TBC1D5: variants seen among roughly 807,000 people sequenced by gnomAD.
TBC1D5 encodes TBC1 domain family, member 5.
TBC1D5 carries 75 observed loss-of-function variants against 100.3 expected under a neutral mutation model. That is an observed-to-expected ratio of 0.75 (90% CI 0.62 to 0.91). TBC1D5 has a LOEUF of 0.91. TBC1D5 is among the 40% of genes least tolerant of loss of function. TBC1D5 has a pLI of 0.00. For synonymous variants in TBC1D5, 323 were observed against 325.6 expected (o/e 0.99, Z 0.09); for missense variants, 910 against 942.4 (o/e 0.97, Z 0.45).
chr3:17,533,836 T>C (rs1383218698), intron 2 of TBC1D5, among the ~76,000 whole-genome samples: 1 of 152,178 alleles, frequency 6.6e-6, no homozygotes, highest in Non-Finnish European at 1.5e-5. Context: ...AGTCAGTGTC[T>C]GTTTCTCTTT....
At chr3:17,254,262 T>C (rs2077430549) in intron 16 of TBC1D5, among the ~76,000 whole-genome samples, 1 of 152,228 alleles carries the variant, frequency 6.6e-6, no homozygotes, top group African/African-American at 2.4e-5. Flanking sequence ...TTACAGGATA[T>C]ATGTTTAACT....
intron 1 of TBC1D5, among the ~76,000 whole-genome samples, chr3:17,657,097 A>T (rs1006113454): frequency 8.5e-5 from 13 of 152,104 alleles, no homozygotes; most frequent in Non-Finnish European, 1.5e-4. Context: ...TTGTCTGCTG[A>T]AGTCTATCTT....
At chr3:17,645,306 CAA>C (rs1369617674) in intron 1 of TBC1D5, among the ~76,000 whole-genome samples, 3 of 151,974 alleles carry the variant, frequency 2.0e-5, no homozygotes, top group Non-Finnish European at 4.4e-5. Context: ...AGTAGTAAGA[CAA>C]AGAACAGGCT....
intron 2 of TBC1D5, among the ~76,000 whole-genome samples, chr3:17,512,286 A>C: frequency 6.6e-6 from 1 of 152,208 alleles, no homozygotes; most frequent in South Asian, 2.1e-4. Context: ...GCAAATATCA[A>C]ACTATAAAAA....
intron 2 of TBC1D5, among the ~76,000 whole-genome samples, chr3:17,566,302 G>C (rs2096593326): frequency 6.6e-6 from 1 of 151,850 alleles, no homozygotes; most frequent in Non-Finnish European, 1.5e-5. Flanking sequence ...TTGACACCAA[G>C]AGGCAGATTT....
At position 17,372,389 on chromosome 3, in the gene TBC1D5, T is replaced by C. The variant is rs1256914980; in HGVS notation, c.823-142A>G. On this transcript the variant is annotated intron_variant, in intron 12 of 21. Coordinates refer to ENST00000253692, the Ensembl canonical transcript of TBC1D5. ...TTCTTAAAAAAAGGTGAGAGCACCATGAAATAATTAAAATAGGAAGATGAA... is the reference window on the plus strand; with the variant it reads ...TTCTTAAAAAAAGGTGAGAGCACCACGAAATAATTAAAATAGGAAGATGAA... 3.1e-5 allele frequency: 21 copies of C among 683,100 alleles called. 1 individual carries two copies. In the South Asian group the frequency reaches 8.6e-4, roughly 28 times the overall value. The allele number at this position is 683,100 out of a possible 1,614,324, so 42.3% of individuals were successfully genotyped here.
At chr3:17,739,478 A>G (rs2077221856) in exon 1 of TBC1D5, 2 of 152,242 alleles carry the variant, frequency 1.3e-5, no homozygotes, top group Non-Finnish European at 2.9e-5. Flanking sequence ...AAAGGTTAGG[A>G]TAACAAACAC....
rs538771729 is a variant in TBC1D5, at chr3:17,675,410, A to G, written c.-100-51497T>C. Among the ~76,000 whole-genome samples the G allele has an allele frequency of 4.6e-5, 7 of 152,210 alleles. No homozygotes were observed. In the East Asian group the frequency reaches 1.2e-3, roughly 25 times the overall value. ...GTAACTGATCATATACAGTTTCGAG[A>G]TATTTCCTATCCTCCTAATCCTTAC... On this transcript the variant is annotated intron_variant, in intron 1 of 21. Transcript: ENST00000253692.
intron 2 of TBC1D5, among the ~76,000 whole-genome samples, chr3:17,549,160 G>C (rs1327005717): frequency 2.0e-5 from 3 of 152,176 alleles, no homozygotes; most frequent in Non-Finnish European, 4.4e-5. Flanking sequence ...ATATAGCCGA[G>C]TGTGGTGGCG....
intron 15 of TBC1D5, among the ~76,000 whole-genome samples, chr3:17,263,418 A>T (rs1330044159): frequency 6.6e-6 from 1 of 151,988 alleles, no homozygotes; most frequent in Non-Finnish European, 1.5e-5. Context: ...AAGAAAGAAA[A>T]AAGAAAAGTA....
At chr3:17,621,218 T>A (rs983369028) in intron 2 of TBC1D5, among the ~76,000 whole-genome samples, 1 of 152,206 alleles carries the variant, frequency 6.6e-6, no homozygotes, top group African/African-American at 2.4e-5. Context: ...CATGTATGTT[T>A]TTCAATATGC....
rs578249971 is a variant in TBC1D5 at position 17,296,906 on chromosome 3, G to A, written c.1139-4905C>T. ...AATCTCAAATTCAGAGTAGTTCACT[G>A]TTTGGGCTTGGAAAAAGATTTAAAC... On this transcript the variant is annotated intron_variant, in intron 14 of 21. Coordinates refer to ENST00000253692, the Ensembl canonical transcript of TBC1D5. 5.9e-5 allele frequency among the ~76,000 whole-genome samples: 9 copies of A among 152,346 alleles called. No homozygotes were observed. In the East Asian group the frequency reaches 1.5e-3, roughly 26 times the overall value.
intron 1 of TBC1D5, among the ~76,000 whole-genome samples, chr3:17,721,702 T>A (rs964560684): frequency 6.8e-6 from 1 of 147,362 alleles, no homozygotes; most frequent in African/African-American, 2.5e-5. Context: ...ATAATGTGGC[T>A]GGGCATGGTG....
In TBC1D5 at chr3:17,690,534, A is replaced by G. The variant is rs566192522; in HGVS notation, c.-101+48809T>C. ...CCCGGCCTAAAAATAGCCATATTTT[A>G]TAACAGGGTTCTCCAACCCCTGGGG... is the stretch of plus-strand genomic sequence containing the variant. On this transcript the variant is annotated intron_variant, in intron 1 of 21. Coordinates refer to ENST00000253692, the Ensembl canonical transcript of TBC1D5. 3.3e-5 allele frequency among the ~76,000 whole-genome samples: 5 copies of G among 152,080 alleles called. No homozygotes were observed. The South Asian group carries it at 1.1e-3, about 32-fold the overall frequency.
At chr3:17,606,510 C>A (rs1479989537) in intron 2 of TBC1D5, among the ~76,000 whole-genome samples, 1 of 151,848 alleles carries the variant, frequency 6.6e-6, no homozygotes, top group Non-Finnish European at 1.5e-5. Flanking sequence ...ATATATAAAG[C>A]AAGAATAGTG....
chr3:17,382,441 G>C (rs1386310826), intron 9 of TBC1D5, among the ~76,000 whole-genome samples: 1 of 151,568 alleles, frequency 6.6e-6, no homozygotes, highest in Non-Finnish European at 1.5e-5. Flanking sequence ...ATCTTACTCA[G>C]GTTATCACTG....
At chr3:17,519,926 C>A (rs187108357) in intron 2 of TBC1D5, among the ~76,000 whole-genome samples, 3 of 152,284 alleles carry the variant, frequency 2.0e-5, no homozygotes, top group African/African-American at 7.2e-5. Context: ...CAACACAGCA[C>A]TGATCCTCAT....
intron 17 of TBC1D5, among the ~76,000 whole-genome samples, chr3:17,228,296 A>G (rs2075107153): frequency 6.6e-6 from 1 of 152,168 alleles, no homozygotes; most frequent in Non-Finnish European, 1.5e-5. Flanking sequence ...CTGACCCTCC[A>G]CTGGCCATAG....
At chr3:17,420,674 T>G (rs1311102390) in intron 4 of TBC1D5, among the ~76,000 whole-genome samples, 1 of 152,196 alleles carries the variant, frequency 6.6e-6, no homozygotes, top group Non-Finnish European at 1.5e-5. Context: ...AATATTTAAT[T>G]GACTTTGTAT....
Sources: gnomAD v4.1 joint callset for allele counts (sites outside exome capture counted in the v4.1 genomes callset) on GRCh38, gnomAD v4.1.1 for gene constraint, MANE v1.5 for transcripts, NCBI Gene and HGNC (gene_info 2026-07-23, HGNC 2026-07-21) for gene names.